Variants in ZSCAN5A observed in about 807,000 individuals in gnomAD.
The protein encoded by ZSCAN5A is zinc finger and SCAN domain-containing protein 5A.
A neutral mutation model predicts 23.7 loss-of-function variants in ZSCAN5A; 12 were observed. The ratio of observed to expected loss-of-function variants is 0.51; its 90% CI spans 0.32 to 0.82. ZSCAN5A has a LOEUF of 0.82. Among genes scored for constraint, ZSCAN5A ranks in the 40% least tolerant of loss-of-function variants. The pLI is 0.03. For synonymous variants in ZSCAN5A, 257 were observed against 239.9 expected (o/e 1.07, Z -0.66); for missense variants, 597 against 617.9 (o/e 0.97, Z 0.36).
chr19:56,226,671 G>T (rs538374305), intron 2 of ZSCAN5A, among the ~76,000 whole-genome samples: 2 of 152,162 alleles, frequency 1.3e-5, no homozygotes, highest in Admixed American at 6.6e-5. Context: ...TCAGAAAATT[G>T]AAAGTCCAAC....
chr19:56,253,182 G>A (rs1008132256), intron 2 of ZSCAN5A, among the ~76,000 whole-genome samples: 1 of 151,926 alleles, frequency 6.6e-6, no homozygotes, highest in Non-Finnish European at 1.5e-5. Flanking sequence ...GGAGGCTGAG[G>A]TGGGAGGATC....
chr19:56,336,372 G>A (rs1169015278), intron 2 of ZSCAN5A, among the ~76,000 whole-genome samples: 1 of 151,752 alleles, frequency 6.6e-6, no homozygotes, highest in Non-Finnish European at 1.5e-5. Context: ...CCAGTTGATC[G>A]CATCAGCTAC....
chr19:56,237,055 G>A (rs1003112189), intron 2 of ZSCAN5A, among the ~76,000 whole-genome samples: 10 of 152,344 alleles, frequency 6.6e-5, no homozygotes, highest in African/African-American at 2.2e-4. Context: ...GGGTATTGCC[G>A]GGTTCCTTTT....
intron 2 of ZSCAN5A, among the ~76,000 whole-genome samples, chr19:56,309,158 T>C (rs936984143): frequency 9.9e-5 from 15 of 152,192 alleles, no homozygotes; most frequent in African/African-American, 2.9e-4. Context: ...ACAACACGGC[T>C]GAACCTTGAA....
intron 2 of ZSCAN5A, among the ~76,000 whole-genome samples, chr19:56,312,697 C>T (rs895125201): frequency 2.0e-5 from 3 of 152,184 alleles, no homozygotes; most frequent in African/African-American, 7.2e-5. Flanking sequence ...GGAAGGGGTA[C>T]ATGAGAATGC....
Position 56,322,771 on chromosome 19 carries a change from C to T in ZSCAN5A, c.-357-6503G>A, listed in dbSNP as rs568312161. Among the ~76,000 whole-genome samples the T allele has an allele frequency of 3.8e-3, 577 of 152,172 alleles. 1 individual carries two copies. The highest frequency in any genetic ancestry group is 4.6e-3 in the Admixed American group (70 of 15,284). ...AGTACTATTTGCATATAACCTAGCACTTACTCCTGTATACTTTAAATCATC... is the reference window on the plus strand; with the variant it reads ...AGTACTATTTGCATATAACCTAGCATTTACTCCTGTATACTTTAAATCATC... On this transcript the variant is annotated intron_variant, in intron 2 of 6. Coordinates refer to the ZSCAN5A transcript ENST00000587340.
At chr19:56,286,934 C>T (rs1442154220) in intron 2 of ZSCAN5A, among the ~76,000 whole-genome samples, 7 of 152,228 alleles carry the variant, frequency 4.6e-5, no homozygotes, top group East Asian at 1.9e-4. Context: ...CCACCCAGGA[C>T]AAGTCTGTTT....
chr19:56,233,384 G>A (rs914275781), intron 2 of ZSCAN5A, among the ~76,000 whole-genome samples: 2 of 152,176 alleles, frequency 1.3e-5, no homozygotes, highest in Admixed American at 1.3e-4. Flanking sequence ...CCCTCCGCTC[G>A]TTATCGTGTT....
chr19:56,342,682 G>A, intron 2 of ZSCAN5A: 1 of 598,986 alleles, frequency 1.7e-6, no homozygotes, highest in South Asian at 2.0e-5. Context: ...CCCCACGGGT[G>A]AACATGAAGT....
At chr19:56,239,523 C>G (rs1440882231) in intron 2 of ZSCAN5A, among the ~76,000 whole-genome samples, 1 of 152,216 alleles carries the variant, frequency 6.6e-6, no homozygotes, top group East Asian at 1.9e-4. Flanking sequence ...CTCTCACCGT[C>G]CTGGAGTGAG....
chr19:56,285,453 A>G (rs1446275660), intron 2 of ZSCAN5A, among the ~76,000 whole-genome samples: 2 of 152,202 alleles, frequency 1.3e-5, no homozygotes, highest in Admixed American at 6.5e-5. Flanking sequence ...TTTTAGTGAT[A>G]TAACTTTACC....
intron 2 of ZSCAN5A, among the ~76,000 whole-genome samples, chr19:56,346,204 G>A (rs2041631413): frequency 6.8e-6 from 1 of 147,256 alleles, no homozygotes; most frequent in African/African-American, 2.5e-5. Flanking sequence ...AAGCAAAACA[G>A]CAACGAAAAC....
At chr19:56,366,362 G>C (rs754929452) in intron 1 of ZSCAN5A, among the ~76,000 whole-genome samples, 4 of 148,974 alleles carry the variant, frequency 2.7e-5, no homozygotes, top group Non-Finnish European at 1.5e-5. Context: ...GGCGGAGCTT[G>C]CAGTGAGCCG....
chr19:56,309,792 G>A (rs2040918859), intron 2 of ZSCAN5A, among the ~76,000 whole-genome samples: 1 of 152,226 alleles, frequency 6.6e-6, no homozygotes, highest in Admixed American at 6.5e-5. Flanking sequence ...GGGACAGTGA[G>A]GAACTGGAGG....
rs976451150 is a variant in ZSCAN5A, at chr19:56,356,490, G to C, written c.-358+6745C>G. On this transcript the variant is annotated intron_variant, in intron 2 of 6. Coordinates refer to the ZSCAN5A transcript ENST00000587340. ...AAGGAATGTGAAACTGGGGAGTATA[G>C]ATGAGGCTCATGGAGCACAGAAGGA... is the stretch of plus-strand genomic sequence containing the variant. Among the ~76,000 whole-genome samples the C allele has an allele frequency of 1.8e-4, 27 of 148,242 alleles. 5 individuals are homozygous for C. The highest frequency in any genetic ancestry group is 6.9e-4 in the African/African-American group (27 of 39,200).
At chr19:56,342,589 G>A (rs1248094373) in intron 2 of ZSCAN5A, 4 of 396,070 alleles carry the variant, frequency 1.0e-5, no homozygotes, top group Non-Finnish European at 2.0e-5. Flanking sequence ...TCAAGCAGAA[G>A]CTGACTCTGA....
upstream of ZSCAN5A, among the ~76,000 whole-genome samples, chr19:56,318,854 T>G (rs1197276166): frequency 1.3e-5 from 2 of 152,158 alleles, no homozygotes; most frequent in Admixed American, 1.3e-4. Flanking sequence ...GCAGGAATAT[T>G]GCAAACAGCA....
In ZSCAN5A at chr19:56,223,678, G is replaced by C. The variant is rs777848514; in HGVS notation, c.541C>G (p.Arg181Gly). Reference protein sequence around the residue: ...QMRPGEGQAHRELQILPRVPA... With the variant: ...QMRPGEGQAHGELQILPRVPA... ...ACCCTGGGCAGGATCTGCAGCTCTC[G>C]GTGGGCCTGGCCTTCCCCTGGACGC... Residue 181 changes from arginine (R) to glycine (G), a missense_variant, in exon 4 of 6, where the codon CGA becomes GGA. Arg to Gly is a moderately radical substitution (Grantham distance 125). This residue lies in a region of ZSCAN5A where 406 missense variants were observed against 353.2 expected (regional missense o/e 1.15). Coordinates refer to ENST00000683990, the MANE Select transcript of ZSCAN5A (RefSeq NM_001322064.3). 14 of 1,613,760 alleles carry C rather than the reference G, an allele frequency of 8.7e-6. No individual in the cohort carries two copies. Among genetic ancestry groups the C allele is most frequent in the Non-Finnish European group, 1.2e-5 (14 of 1,179,948 alleles).
intron 2 of ZSCAN5A, among the ~76,000 whole-genome samples, chr19:56,293,737 G>A (rs1283068003): frequency 6.6e-6 from 1 of 152,174 alleles, no homozygotes; most frequent in Non-Finnish European, 1.5e-5. Flanking sequence ...AATGCCTAGA[G>A]ATATTTTTGG....
Sources: allele counts gnomAD v4.1 joint callset (sites outside exome capture counted in the v4.1 genomes callset), GRCh38; gene constraint gnomAD v4.1.1; regional missense constraint gnomAD v4.1.1; transcripts MANE v1.5; gene names NCBI Gene and HGNC (gene_info 2026-07-23, HGNC 2026-07-21).